Variants in MAP4K3 observed in about 807,000 individuals in gnomAD.
The protein encoded by MAP4K3 is mitogen-activated protein kinase kinase kinase kinase 3, also known as MAPK/ERK kinase kinase kinase 3.
In MAP4K3, 94 loss-of-function variants were observed where a neutral mutation model predicts 143.5. The observed-to-expected ratio is 0.65, with a 90% CI of 0.55 to 0.78. The LOEUF is 0.78. Ranked by LOEUF, MAP4K3 falls within the 30% of genes least tolerant of loss-of-function variation. MAP4K3 has a pLI of 0.00. For synonymous variants in MAP4K3, 416 were observed against 347.2 expected, an observed-to-expected ratio of 1.20 and a Z score of -2.20; for missense variants, 1,077 against 1,068.1, an observed-to-expected ratio of 1.01 and a Z score of -0.12.
At chr2:39,298,964 CAAAA>C (rs371633915) in intron 16 of MAP4K3, among the ~76,000 whole-genome samples, 4 of 68,488 alleles carry the variant, frequency 5.8e-5, no homozygotes, top group Non-Finnish European at 1.0e-4. Context: ...CACTCTGCCT[CAAAA>C]AAAAAAAAAA....
chr2:39,399,028 C>G, intron 1 of MAP4K3, among the ~76,000 whole-genome samples: 1 of 130,814 alleles, frequency 7.6e-6, no homozygotes, highest in Non-Finnish European at 1.6e-5. Context: ...TGAGACAAAG[C>G]AAGACTCTGT....
chr2:39,368,917 CAT>C (rs1665998585), intron 2 of MAP4K3, among the ~76,000 whole-genome samples: 1 of 152,118 alleles, frequency 6.6e-6, no homozygotes, highest in Non-Finnish European at 1.5e-5. Context: ...TCAATTTTTA[CAT>C]ATATCGTACC....
chr2:39,292,399 C>CGA (rs1009904955), intron 18 of MAP4K3, among the ~76,000 whole-genome samples: 3 of 151,986 alleles, frequency 2.0e-5, no homozygotes, highest in South Asian at 2.1e-4. Context: ...GGTGATCTTA[C>CGA]GAGAGAGAGA....
chr2:39,381,173 G>A (rs559538595), intron 1 of MAP4K3, among the ~76,000 whole-genome samples: 1 of 152,222 alleles, frequency 6.6e-6, no homozygotes, highest in East Asian at 1.9e-4. Flanking sequence ...GTATTCCATT[G>A]TATGGAAATA....
At chr2:39,425,043 AG>A (rs1665024316) in intron 1 of MAP4K3, among the ~76,000 whole-genome samples, 1 of 152,138 alleles carries the variant, frequency 6.6e-6, no homozygotes. Flanking sequence ...AAGACTCATG[AG>A]GTTACTGGAA....
intron 3 of MAP4K3, among the ~76,000 whole-genome samples, chr2:39,354,400 G>A (rs896297516): frequency 3.9e-5 from 6 of 152,054 alleles, no homozygotes; most frequent in Admixed American, 3.3e-4. Context: ...CTGAGATCGC[G>A]CCACTGCACT....
chr2:39,293,886 A>T (rs574948243), intron 16 of MAP4K3: 1 of 152,638 alleles, frequency 6.6e-6, no homozygotes, highest in Non-Finnish European at 1.5e-5. Context: ...ACACATTTAC[A>T]CTTTTGGGAG....
At chr2:39,301,614 A>G (rs572185745) in intron 15 of MAP4K3, among the ~76,000 whole-genome samples, 45 of 152,228 alleles carry the variant, frequency 3.0e-4, no homozygotes, top group Non-Finnish European at 4.3e-4. Flanking sequence ...CTTCTGTTAT[A>G]CAAACACAGA....
chr2:39,420,447 C>T (rs1232079784), intron 1 of MAP4K3, among the ~76,000 whole-genome samples: 2 of 152,094 alleles, frequency 1.3e-5, no homozygotes, highest in East Asian at 3.9e-4. Context: ...GAGACAGTCT[C>T]ACTGTGTTGC....
At chr2:39,413,337 G>A (rs73924007) in intron 1 of MAP4K3, among the ~76,000 whole-genome samples, 2,332 of 152,236 alleles carry the variant, frequency 0.015, 61 homozygotes, top group African/African-American at 0.053. Flanking sequence ...TAACGAGGGA[G>A]CTAGGAACAG....
chr2:39,267,102 T>C, intron 27 of MAP4K3, 87 bp downstream of exon 27: 1 of 1,254,294 alleles, frequency 8.0e-7, no homozygotes, highest in African/African-American at 1.5e-5. Context: ...AAAGTATTGC[T>C]GGCAGAATGC....
At chr2:39,435,764 G>C (rs1241686393) in intron 1 of MAP4K3, among the ~76,000 whole-genome samples, 2 of 152,180 alleles carry the variant, frequency 1.3e-5, no homozygotes, top group African/African-American at 4.8e-5. Context: ...TTGTAGGTGG[G>C]CTCAATATAT....
chr2:39,273,020 G>T (rs1017054281), intron 24 of MAP4K3, among the ~76,000 whole-genome samples: 2 of 152,054 alleles, frequency 1.3e-5, no homozygotes, highest in East Asian at 3.9e-4. Flanking sequence ...GAAAAAAAAG[G>T]CTGAGATAGA....
At chr2:39,391,581 C>G (rs1202833510) in intron 1 of MAP4K3, among the ~76,000 whole-genome samples, 1 of 152,078 alleles carries the variant, frequency 6.6e-6, no homozygotes, top group African/African-American at 2.4e-5. Context: ...AAAATACATT[C>G]ACTTAAGTAA....
chr2:39,434,747 T>C (rs1227628934), intron 1 of MAP4K3, among the ~76,000 whole-genome samples: 1 of 152,264 alleles, frequency 6.6e-6, no homozygotes, highest in Non-Finnish European at 1.5e-5. Flanking sequence ...TGCCTCAGTT[T>C]ATTCAACTGC....
At chr2:39,411,491 G>C (rs1469153112) in intron 1 of MAP4K3, among the ~76,000 whole-genome samples, 2 of 152,150 alleles carry the variant, frequency 1.3e-5, no homozygotes, top group Admixed American at 1.3e-4. Flanking sequence ...GCCAGGTATG[G>C]TGCCGGGTAC....
At chr2:39,324,982 G>C (rs2148514893) in intron 12 of MAP4K3, among the ~76,000 whole-genome samples, 1 of 152,138 alleles carries the variant, frequency 6.6e-6, no homozygotes, top group East Asian at 1.9e-4. Flanking sequence ...TATTATATAA[G>C]AATTTTTTTT....
Position 39,316,820 on chromosome 2 carries a change from C to G in MAP4K3, c.919-1432G>C, listed in dbSNP as rs560685206. Among the ~76,000 whole-genome samples, 8 of 152,074 alleles carry G rather than the reference C, an allele frequency of 5.3e-5. No individual in the cohort carries two copies. In the South Asian group the frequency reaches 1.7e-3, roughly 32 times the overall value. On this transcript the variant is annotated intron_variant, in intron 12 of 33. Transcript: ENST00000263881. ...GCTCATCTGAACTTAAAAAGTTGCC[C>G]TTCTAAGAAAAAGGATATCCTTTAG...
intron 24 of MAP4K3, among the ~76,000 whole-genome samples, chr2:39,277,850 G>A (rs1374233760): frequency 6.6e-6 from 1 of 151,698 alleles, no homozygotes; most frequent in African/African-American, 2.4e-5. Flanking sequence ...ACAGGCGTGA[G>A]CCACCATGCT....
Sources: allele counts gnomAD v4.1 joint callset (sites outside exome capture counted in the v4.1 genomes callset), GRCh38; gene constraint gnomAD v4.1.1; transcripts MANE v1.5; gene names NCBI Gene and HGNC (gene_info 2026-07-23, HGNC 2026-07-21).